Variants in RBMS3 observed in about 807,000 individuals in gnomAD.
RBMS3 encodes RNA binding motif single stranded interacting protein 3.
In RBMS3, 27 loss-of-function variants were observed where a neutral mutation model predicts 66.8. The observed-to-expected ratio is 0.40, with a 90% CI of 0.30 to 0.56. RBMS3 has a LOEUF of 0.56. RBMS3 is among the 20% of genes least tolerant of loss of function. The pLI is 0.40. For missense variants in RBMS3, 513 were observed against 549.5 expected, an observed-to-expected ratio of 0.93 and a Z score of 0.66; for synonymous variants, 188 against 183.0, an observed-to-expected ratio of 1.03 and a Z score of -0.22.
At position 29,675,390 on chromosome 3, in the gene RBMS3, C is replaced by A. The variant is rs561302911; in HGVS notation, c.400-64330C>A. Among the ~76,000 whole-genome samples the A allele has an allele frequency of 4.3e-4, 65 of 152,054 alleles. 1 individual carries two copies. In the East Asian group the frequency reaches 0.013, roughly 29 times the overall value. ...GGCAAGGACTTCATGTCTAAAACAC[C>A]AAAAGCAATGGCAAAAAAAAGCCAA... On this transcript the variant is annotated intron_variant, in intron 4 of 14. Coordinates refer to ENST00000383767, the MANE Select transcript of RBMS3 (RefSeq NM_001003793.3).
chr3:29,295,572 C>A (rs2033205119), intron 1 of RBMS3, among the ~76,000 whole-genome samples: 2 of 151,384 alleles, frequency 1.3e-5, no homozygotes, highest in South Asian at 2.1e-4. Flanking sequence ...TTACAGAATT[C>A]TATATGCTCT....
intron 4 of RBMS3, among the ~76,000 whole-genome samples, chr3:29,661,099 G>A (rs1027790095): frequency 6.6e-6 from 1 of 152,194 alleles, no homozygotes; most frequent in East Asian, 1.9e-4. Context: ...GGTGGGGAAT[G>A]GGTAGCTGCT....
chr3:29,791,085 G>T (rs2056994238), intron 6 of RBMS3, among the ~76,000 whole-genome samples: 1 of 152,110 alleles, frequency 6.6e-6, no homozygotes, highest in East Asian at 1.9e-4. Flanking sequence ...TGTTTAAGAA[G>T]TCTTGTAACA....
chr3:29,658,402 T>TACA (rs1158662540), intron 4 of RBMS3, among the ~76,000 whole-genome samples: 2 of 152,200 alleles, frequency 1.3e-5, no homozygotes, highest in Non-Finnish European at 2.9e-5. Flanking sequence ...GATTCTGCAT[T>TACA]TCTTACAAAT....
chr3:29,421,638 T>A (rs1275281373), intron 1 of RBMS3, among the ~76,000 whole-genome samples: 2 of 152,192 alleles, frequency 1.3e-5, no homozygotes, highest in Non-Finnish European at 2.9e-5. Context: ...ACTTCCCTTA[T>A]AAAAATTTAT....
intron 1 of RBMS3, among the ~76,000 whole-genome samples, chr3:29,403,676 A>G (rs2039901056): frequency 6.6e-6 from 1 of 152,074 alleles, no homozygotes; most frequent in South Asian, 2.1e-4. Flanking sequence ...TTGCAATTAA[A>G]GTTGGAGAAA....
At chr3:29,623,343 A>G (rs1303357621) in intron 4 of RBMS3, among the ~76,000 whole-genome samples, 2 of 152,080 alleles carry the variant, frequency 1.3e-5, no homozygotes, top group Non-Finnish European at 2.9e-5. Flanking sequence ...CTGTAATCCC[A>G]GCACTTTGGG....
intron 3 of RBMS3, among the ~76,000 whole-genome samples, chr3:29,527,141 C>G (rs113980326): frequency 4.0e-4 from 48 of 120,770 alleles, no homozygotes; most frequent in African/African-American, 1.6e-3. Flanking sequence ...GAGGACCCAA[C>G]GAGTGACAAT....
At chr3:29,359,965 C>A (rs1261349134) in intron 1 of RBMS3, among the ~76,000 whole-genome samples, 2 of 152,024 alleles carry the variant, frequency 1.3e-5, no homozygotes, top group Non-Finnish European at 2.9e-5. Flanking sequence ...TGCTAGCAGT[C>A]TGTCAATTTT....
intron 5 of RBMS3, among the ~76,000 whole-genome samples, chr3:29,752,219 T>C (rs977618563): frequency 4.6e-5 from 7 of 152,164 alleles, no homozygotes; most frequent in Non-Finnish European, 1.0e-4. Context: ...GCAGAACTCT[T>C]CTATGAAATT....
intron 8 of RBMS3, among the ~76,000 whole-genome samples, chr3:29,886,278 A>C (rs2059868157): frequency 6.6e-6 from 1 of 151,902 alleles, no homozygotes; most frequent in African/African-American, 2.4e-5. Flanking sequence ...AAAATAGCTT[A>C]TATGGATTAT....
At chr3:29,765,579 T>G (rs2055886767) in intron 6 of RBMS3, among the ~76,000 whole-genome samples, 1 of 151,972 alleles carries the variant, frequency 6.6e-6, no homozygotes. Context: ...GTTTGTGGTT[T>G]TATAGAACTG....
chr3:29,878,465 C>T (rs187823996), intron 7 of RBMS3, among the ~76,000 whole-genome samples: 266 of 152,148 alleles, frequency 1.7e-3, no homozygotes, highest in African/African-American at 6.1e-3. Context: ...TATATCATTT[C>T]CCCTGAATTT....
intron 10 of RBMS3, among the ~76,000 whole-genome samples, chr3:29,913,206 G>A (rs2060559081): frequency 6.6e-6 from 1 of 151,912 alleles, no homozygotes; most frequent in South Asian, 2.1e-4. Flanking sequence ...TGGACCATGA[G>A]AATTTAAAAG....
chr3:29,547,530 A>G (rs930991938), intron 3 of RBMS3, among the ~76,000 whole-genome samples: 1 of 152,116 alleles, frequency 6.6e-6, no homozygotes, highest in Non-Finnish European at 1.5e-5. Context: ...GACAAGAGGA[A>G]AGAAAATGGA....
chr3:29,555,955 G>A (rs959376230), intron 3 of RBMS3, among the ~76,000 whole-genome samples: 8 of 152,114 alleles, frequency 5.3e-5, no homozygotes, highest in African/African-American at 1.9e-4. Flanking sequence ...TAAATCGAAT[G>A]CTTGATAAAA....
intron 3 of RBMS3, among the ~76,000 whole-genome samples, chr3:29,562,856 T>G (rs1478610546): frequency 6.6e-6 from 1 of 152,200 alleles, no homozygotes; most frequent in African/African-American, 2.4e-5. Context: ...TATTGTGTGT[T>G]AAAAATATAA....
intron 1 of RBMS3, among the ~76,000 whole-genome samples, chr3:29,334,831 C>A (rs2035856885): frequency 6.6e-6 from 1 of 152,108 alleles, no homozygotes; most frequent in Non-Finnish European, 1.5e-5. Flanking sequence ...AGAAACTGTT[C>A]TTTATATGCA....
chr3:29,383,974 A>T (rs1460893866), intron 1 of RBMS3, among the ~76,000 whole-genome samples: 1 of 152,210 alleles, frequency 6.6e-6, no homozygotes. Flanking sequence ...TTTACTCACC[A>T]AATTTTGAAA....
Sources: gnomAD v4.1 joint callset for allele counts (sites outside exome capture counted in the v4.1 genomes callset) on GRCh38, gnomAD v4.1.1 for gene constraint, MANE v1.5 for transcripts, NCBI Gene and HGNC (gene_info 2026-07-23, HGNC 2026-07-21) for gene names.